ITPR1: variants seen among roughly 807,000 people sequenced by gnomAD.
ITPR1 encodes the protein inositol 1,4,5-trisphosphate receptor type 1, also known as inositol 1,4,5-trisphosphate-gated calcium channel ITPR1.
A neutral mutation model predicts 318.4 loss-of-function variants in ITPR1; 96 were observed. The observed-to-expected ratio is 0.30, with a 90% CI of 0.26 to 0.36. ITPR1 has a LOEUF of 0.36. Ranked by LOEUF, ITPR1 falls within the 10% of genes least tolerant of loss-of-function variation. ITPR1 has a pLI of 1.00. For missense variants in ITPR1, 2,440 were observed against 3,460.2 expected, an observed-to-expected ratio of 0.71 and a Z score of 7.40; for synonymous variants, 1,312 against 1,289.9, an observed-to-expected ratio of 1.02 and a Z score of -0.37.
In ITPR1 at chr3:4,652,233, C is replaced by G. The variant is rs753169557; in HGVS notation, c.951+15C>G. The G allele has an allele frequency of 1.9e-6, 3 of 1,589,434 alleles. No homozygotes were observed. In the Admixed American group the frequency reaches 5.1e-5, roughly 27 times the overall value. Reference sequence around the variant, plus strand: ...TGGCAGCAGAGGTAAGTAGCAGCTCCTGTGGTTTTCTCTTTCAAGGCTGAC... The same window carrying G: ...TGGCAGCAGAGGTAAGTAGCAGCTCGTGTGGTTTTCTCTTTCAAGGCTGAC... On this transcript the variant is annotated intron_variant, in intron 11 of 61. Transcript: ENST00000649015.
At position 4,735,145 on chromosome 3, in the gene ITPR1, C is replaced by G; in HGVS notation, c.5354-19C>G. 1 of 1,602,900 alleles carries G rather than the reference C, an allele frequency of 6.2e-7. No individual in the cohort carries two copies. The highest frequency in any genetic ancestry group is 8.5e-7 in the Non-Finnish European group (1 of 1,170,900). ...CTGTTCTGATTGTGCTTAGTAAAAA[C>G]AATATTCCATCTTCTTAGGGGGAGG... On this transcript the variant is annotated intron_variant, in intron 43 of 61. Transcript: ENST00000649015.
intron 4 of ITPR1, among the ~76,000 whole-genome samples, chr3:4,578,825 A>T (rs1427648507): frequency 6.6e-6 from 1 of 152,192 alleles, no homozygotes; most frequent in East Asian, 1.9e-4. Flanking sequence ...TCTTGTGTGA[A>T]CACACAACCC....
chr3:4,760,059 C>T (rs773247179), intron 44 of ITPR1, among the ~76,000 whole-genome samples: 23 of 152,262 alleles, frequency 1.5e-4, no homozygotes, highest in Non-Finnish European at 2.9e-4. Flanking sequence ...CAGCCTTTGA[C>T]TCCGGCCTCA....
chr3:4,733,148 C>T lies in ITPR1; in HGVS notation c.5281C>T (p.Arg1761Ter). The change falls in exon 43 of 62, where the codon CGA (arginine) becomes TGA (stop). Residue 1761 changes from arginine (R) to a stop codon, truncating the protein, a stop_gained. Transcript: ENST00000649015. LOFTEE classifies it high-confidence loss of function. ...RYYGNVRPSG[R>*]RESLTSFGNG... ...CTATGGAAACGTCAGACCTTCGGGA[C>T]GAAGAGAGAGCCTTACCAGCTTTGG... 6.2e-7 allele frequency: 1 copy of T among 1,613,862 alleles called. No individual in the cohort carries two copies. The highest frequency in any genetic ancestry group is 8.5e-7 in the Non-Finnish European group (1 of 1,179,834).
intron 4 of ITPR1, among the ~76,000 whole-genome samples, chr3:4,555,274 CTT>C (rs1317431175): frequency 2.6e-5 from 4 of 152,154 alleles, no homozygotes; most frequent in Non-Finnish European, 5.9e-5. Context: ...AGTTAGGTGA[CTT>C]AGCCAAGATT....
chr3:4,653,812 T>G, intron 11 of ITPR1, 30 bp from the exon 12 acceptor site: 1 of 1,576,734 alleles, frequency 6.3e-7, no homozygotes, highest in Non-Finnish European at 8.7e-7. Flanking sequence ...CAATGGATGT[T>G]TTAATTTCCT....
Position 4,693,739 on chromosome 3 carries a change from G to C in ITPR1, c.4279G>C (p.Glu1427Gln). Residue 1427 changes from glutamate to glutamine, a missense_variant and splice_region_variant, in exon 33 of 62, where the codon GAG becomes CAG. This residue lies in a region of ITPR1 where 222 missense variants were observed against 318.8 expected (regional missense o/e 0.70). Transcript: ENST00000649015. ...RVVTHEDCIP[E>Q]VKIAYINFLN... ...GGTGACCCACGAGGACTGCATCCCT[G>C]AGGTGAGCGAGCCCAGCCTGGCTGT... 2 of 1,609,634 alleles carry C rather than the reference G, an allele frequency of 1.2e-6. No individual in the cohort carries two copies.
intron 39 of ITPR1, among the ~76,000 whole-genome samples, chr3:4,716,935 A>G (rs1424526205): frequency 6.6e-6 from 1 of 152,200 alleles, no homozygotes; most frequent in Non-Finnish European, 1.5e-5. Flanking sequence ...CCCCCGACTG[A>G]GTCATAAAAT....
chr3:4,801,327 G>A (rs1204875945), intron 54 of ITPR1, among the ~76,000 whole-genome samples: 3 of 152,106 alleles, frequency 2.0e-5, no homozygotes, highest in Non-Finnish European at 2.9e-5. Context: ...AAGTGATATC[G>A]CAAAATAATA....
chr3:4,724,066 C>G (rs1013406905), intron 40 of ITPR1, among the ~76,000 whole-genome samples: 1 of 152,020 alleles, frequency 6.6e-6, no homozygotes, highest in African/African-American at 2.4e-5. Flanking sequence ...TTTTACTTTC[C>G]TTCCCCACTC....
At chr3:4,811,748 C>T (rs904711938) in intron 56 of ITPR1, among the ~76,000 whole-genome samples, 1 of 152,134 alleles carries the variant, frequency 6.6e-6, no homozygotes, top group Non-Finnish European at 1.5e-5. Flanking sequence ...ATATTGAGAG[C>T]GTTGGAGTAT....
At chr3:4,600,497 TGTGC>T (rs1173578661) in intron 4 of ITPR1, among the ~76,000 whole-genome samples, 2 of 151,726 alleles carry the variant, frequency 1.3e-5, no homozygotes, top group Admixed American at 6.6e-5. Flanking sequence ...TGTGTGTGTG[TGTGC>T]GTGTTTGTGT....
intron 36 of ITPR1, among the ~76,000 whole-genome samples, chr3:4,704,564 GA>G (rs556705806): frequency 3.6e-4 from 54 of 149,292 alleles, no homozygotes; most frequent in South Asian, 2.3e-3. Flanking sequence ...TTGGAAAAAA[GA>G]AAAAAAAAAG....
At chr3:4,733,664 C>A (rs918544598) in intron 43 of ITPR1, among the ~76,000 whole-genome samples, 13 of 152,186 alleles carry the variant, frequency 8.5e-5, no homozygotes, top group African/African-American at 3.1e-4. Flanking sequence ...TTTCTCCTCC[C>A]AGCTACTCAT....
At chr3:4,754,745 C>T (rs1046479596) in intron 44 of ITPR1, among the ~76,000 whole-genome samples, 22 of 152,328 alleles carry the variant, frequency 1.4e-4, no homozygotes, top group African/African-American at 5.3e-4. Flanking sequence ...ACCAGAACAC[C>T]TTCTTGCCCT....
At chr3:4,590,207 A>G (rs1468391641) in intron 4 of ITPR1, among the ~76,000 whole-genome samples, 1 of 123,982 alleles carries the variant, frequency 8.1e-6, no homozygotes, top group African/African-American at 3.1e-5. Flanking sequence ...TCTTCATAGC[A>G]GGTACTACTC....
At chr3:4,796,986 A>T (rs776216498) in intron 53 of ITPR1, among the ~76,000 whole-genome samples, 11 of 152,132 alleles carry the variant, frequency 7.2e-5, no homozygotes, top group Non-Finnish European at 1.3e-4. Flanking sequence ...TGGTATGACT[A>T]TCGAGGGTCC....
chr3:4,827,465 A>G (rs191070530), intron 60 of ITPR1, among the ~76,000 whole-genome samples: 85 of 152,322 alleles, frequency 5.6e-4, no homozygotes, highest in African/African-American at 1.8e-3. Flanking sequence ...CGTCTTTACA[A>G]TGAAGCCTAC....
rs1214149260 is a variant in ITPR1 at position 4,777,199 on chromosome 3, G to A, written c.6181-65G>A. On this transcript the variant is annotated intron_variant, in intron 47 of 61. Transcript: ENST00000649015. ...TTGTGTTGAAATAGCAGTTCAGCCTGTTGGCCTTTGACGTCTGATTTATGA... is the reference window on the plus strand; with the variant it reads ...TTGTGTTGAAATAGCAGTTCAGCCTATTGGCCTTTGACGTCTGATTTATGA... 3.2e-6 allele frequency: 3 copies of A among 923,078 alleles called. No individual in the cohort carries two copies. In the African/African-American group the frequency reaches 4.9e-5, roughly 15 times the overall value. 57.2% of individuals were successfully genotyped at this position (923,078 alleles called of 1,614,324 possible). A position where few individuals can be genotyped will look rare whatever the true frequency, so the allele number is the denominator to read the frequency against.
Sources: allele counts gnomAD v4.1 joint callset (sites outside exome capture counted in the v4.1 genomes callset), GRCh38; gene constraint gnomAD v4.1.1; regional missense constraint gnomAD v4.1.1; transcripts MANE v1.5; gene names NCBI Gene and HGNC (gene_info 2026-07-23, HGNC 2026-07-21).